Variants in SLC22A3 observed in about 807,000 individuals in gnomAD.
SLC22A3 encodes EMT organic cation transporter 3.
SLC22A3 carries 51 observed loss-of-function variants against 59.1 expected under a neutral mutation model. That is an observed-to-expected ratio of 0.86 (90% CI 0.69 to 1.09). SLC22A3 has a LOEUF of 1.09. SLC22A3 is among the 50% of genes least tolerant of loss of function. The pLI, the probability that SLC22A3 is intolerant of heterozygous loss-of-function variation, is 0.00. For missense variants in SLC22A3, 711 were observed against 726.3 expected, an observed-to-expected ratio of 0.98 and a Z score of 0.24; for synonymous variants, 325 against 292.0, an observed-to-expected ratio of 1.11 and a Z score of -1.15.
intron 1 of SLC22A3, among the ~76,000 whole-genome samples, chr6:160,385,501 C>A (rs569008976): frequency 2.6e-5 from 4 of 152,276 alleles, no homozygotes; most frequent in African/African-American, 7.2e-5. Context: ...GGAGGTAAGC[C>A]CTCCCTTCAG....
Position 160,357,513 on chromosome 6 carries a change from G to A in SLC22A3, c.429+8665G>A, listed in dbSNP as rs570701005. Among the ~76,000 whole-genome samples the A allele has an allele frequency of 2.0e-5, 3 of 152,288 alleles. No homozygotes were observed. In the South Asian group the frequency reaches 6.2e-4, roughly 32 times the overall value. On this transcript the variant is annotated intron_variant, in intron 1 of 10. Coordinates refer to ENST00000275300, the MANE Select transcript of SLC22A3 (RefSeq NM_021977.4). The stretch of plus-strand genomic sequence containing the variant: ...CTGAGACAGAAACCGAAGGGACAAG[G>A]TGCCAGGAGCTCCTATACTAAAAAC...
chr6:160,440,125 T>C (rs1245964624), intron 7 of SLC22A3, among the ~76,000 whole-genome samples: 4 of 152,238 alleles, frequency 2.6e-5, no homozygotes, highest in Non-Finnish European at 5.9e-5. Flanking sequence ...TATTCTCATC[T>C]CAGACTCACT....
intron 5 of SLC22A3, among the ~76,000 whole-genome samples, chr6:160,426,764 G>C (rs950915298): frequency 6.6e-6 from 1 of 152,070 alleles, no homozygotes. Flanking sequence ...AATTGTGATC[G>C]GTGTTTTCAT....
intron 1 of SLC22A3, among the ~76,000 whole-genome samples, chr6:160,350,133 A>G (rs1183006929): frequency 1.4e-5 from 2 of 141,876 alleles, no homozygotes; most frequent in Non-Finnish European, 3.1e-5. Context: ...CGATGTGTGT[A>G]TGTGTTTGGG....
rs892936906 is a variant in SLC22A3 at position 160,364,912 on chromosome 6, T to G, written c.429+16064T>G. Reference sequence around the variant, plus strand: ...CTTACAGCTTTTAATAGCTATGCTCTGTTAAAGTGTACACATTATCTTTTA... The same window carrying G: ...CTTACAGCTTTTAATAGCTATGCTCGGTTAAAGTGTACACATTATCTTTTA... On this transcript the variant is annotated intron_variant, in intron 1 of 10. Coordinates refer to ENST00000275300, the MANE Select transcript of SLC22A3 (RefSeq NM_021977.4). Among the ~76,000 whole-genome samples, 5 of 152,228 alleles carry G rather than the reference T, an allele frequency of 3.3e-5. No individual in the cohort carries two copies. In the East Asian group the frequency reaches 9.6e-4, roughly 29 times the overall value.
At chr6:160,353,628 T>A (rs1784732429) in intron 1 of SLC22A3, among the ~76,000 whole-genome samples, 1 of 152,174 alleles carries the variant, frequency 6.6e-6, no homozygotes, top group Non-Finnish European at 1.5e-5. Flanking sequence ...CCCTCTCATC[T>A]TCATTATTTT....
intron 2 of SLC22A3, among the ~76,000 whole-genome samples, chr6:160,399,205 C>A (rs1786652513): frequency 1.3e-5 from 2 of 151,904 alleles, no homozygotes; most frequent in African/African-American, 4.8e-5. Flanking sequence ...TGTGTGATGC[C>A]CTTTCCCCTT....
At chr6:160,382,758 A>G (rs1785844356) in intron 1 of SLC22A3, among the ~76,000 whole-genome samples, 1 of 152,192 alleles carries the variant, frequency 6.6e-6, no homozygotes. Flanking sequence ...CAAAGCACCT[A>G]TTGTAGATAT....
rs1788940671 is a variant in SLC22A3 at position 160,451,015 on chromosome 6, G to A, written c.1630G>A (p.Gly544Ser). ...KLGSPHSCKC[G>S]RNKKTPVSRS... ...TTTCAGTCCACATTCCTGTAAATGT[G>A]GCAGGAATAAGAAAACCCCAGTTTC... is the stretch of plus-strand genomic sequence containing the variant. Residue 544 changes from glycine to serine, a missense_variant, in exon 11 of 11, where the codon GGC becomes AGC. Gly to Ser is a moderately conservative substitution (Grantham distance 56). Transcript: ENST00000275300. 6.3e-7 allele frequency: 1 copy of A among 1,595,136 alleles called. No individual in the cohort carries two copies. Among genetic ancestry groups the A allele is most frequent in the Non-Finnish European group, 8.6e-7 (1 of 1,168,948 alleles).
At chr6:160,366,524 C>G (rs1250923678) in intron 1 of SLC22A3, among the ~76,000 whole-genome samples, 1 of 152,190 alleles carries the variant, frequency 6.6e-6, no homozygotes, top group Non-Finnish European at 1.5e-5. Context: ...AGTGAATCTA[C>G]CATTCTGGGT....
intron 1 of SLC22A3, among the ~76,000 whole-genome samples, chr6:160,369,344 GA>G (rs1322995988): frequency 6.6e-6 from 1 of 152,128 alleles, no homozygotes; most frequent in Non-Finnish European, 1.5e-5. Context: ...AGACTATTAT[GA>G]AAATGTTTAG....
chr6:160,380,576 A>G (rs959604034), intron 1 of SLC22A3, among the ~76,000 whole-genome samples: 55 of 152,306 alleles, frequency 3.6e-4, no homozygotes, highest in Middle Eastern at 6.8e-3. Context: ...ACATAGACAA[A>G]GGTCTAGAAA....
At chr6:160,381,969 A>G (rs1785815235) in intron 1 of SLC22A3, among the ~76,000 whole-genome samples, 1 of 152,206 alleles carries the variant, frequency 6.6e-6, no homozygotes. Context: ...TCTTCTTAAT[A>G]AAATAAATCA....
chr6:160,380,913 G>A (rs1326154465), intron 1 of SLC22A3, among the ~76,000 whole-genome samples: 2 of 152,194 alleles, frequency 1.3e-5, no homozygotes, highest in African/African-American at 2.4e-5. Flanking sequence ...AGCTTCTAGA[G>A]CGAACTGAAC....
At chr6:160,382,290 G>A (rs1876530) in intron 1 of SLC22A3, among the ~76,000 whole-genome samples, 1,906 of 152,292 alleles carry the variant, frequency 0.013, 47 homozygotes, top group African/African-American at 0.043. Context: ...AGGAGGGCAA[G>A]TTTCCCTAGA....
In SLC22A3 at chr6:160,355,742, A is replaced by C. The variant is rs530404855; in HGVS notation, c.429+6894A>C. Among the ~76,000 whole-genome samples, 3 of 152,256 alleles carry C rather than the reference A, an allele frequency of 2.0e-5. No individual in the cohort carries two copies. The South Asian group carries it at 6.2e-4, about 32-fold the overall frequency. ...AGCTGAGATCGCACCACTGCACTCC[A>C]GCCTGGGCGACAGTTAGAGACTCTG... On this transcript the variant is annotated intron_variant, in intron 1 of 10. Transcript: ENST00000275300.
At chr6:160,359,699 CA>C (rs1784952167) in intron 1 of SLC22A3, among the ~76,000 whole-genome samples, 1 of 152,120 alleles carries the variant, frequency 6.6e-6, no homozygotes, top group Non-Finnish European at 1.5e-5. Flanking sequence ...ATCACAAAAC[CA>C]GGAGATAAAA....
chr6:160,405,927 G>A (rs975213256), intron 2 of SLC22A3, among the ~76,000 whole-genome samples: 8 of 152,132 alleles, frequency 5.3e-5, no homozygotes, highest in African/African-American at 1.7e-4. Context: ...TGGGGAGAGG[G>A]AGGGATGAAC....
intron 2 of SLC22A3, among the ~76,000 whole-genome samples, chr6:160,400,397 G>A (rs891491684): frequency 6.6e-6 from 1 of 151,972 alleles, no homozygotes; most frequent in Admixed American, 6.6e-5. Context: ...CTTGGAAGAA[G>A]GGAAATACCC....
Sources: allele counts gnomAD v4.1 joint callset (sites outside exome capture counted in the v4.1 genomes callset), GRCh38; gene constraint gnomAD v4.1.1; transcripts MANE v1.5; gene names NCBI Gene and HGNC (gene_info 2026-07-23, HGNC 2026-07-21).